The following MRGBP variants were observed in gnomAD, a reference collection of about 807,000 sequenced individuals.
MRGBP encodes MRG domain binding protein, also known as MRG/MORF4L-binding protein.
Under a neutral mutation model 21.5 loss-of-function variants are expected in MRGBP, and 5 were observed. The observed-to-expected ratio is 0.23, with a 90% confidence interval of 0.12 to 0.49. The LOEUF (loss-of-function observed/expected upper bound fraction) is 0.49, where lower values mean the gene tolerates loss of function less well. MRGBP is among the 20% of genes least tolerant of loss of function. MRGBP has a pLI of 0.98. For missense variants in MRGBP, 227 were observed against 277.4 expected (o/e 0.82, Z 1.29); for synonymous variants, 118 against 104.4 (o/e 1.13, Z -0.79).
chr20:62,799,256 C>T (rs905365833), intron 4 of MRGBP, among the ~76,000 whole-genome samples, 200 bp from the exon 5 acceptor site: 3 of 152,170 alleles, frequency 2.0e-5, no homozygotes, highest in Admixed American at 6.5e-5. Context: ...GAGCGGCGGT[C>T]CCTGCAGTGC....
At chr20:62,798,453 G>A (rs963941921) in intron 2 of MRGBP, 134 bp from the exon 3 acceptor site, 14 of 706,144 alleles carry the variant, frequency 2.0e-5, no homozygotes, top group Middle Eastern at 2.5e-4. Context: ...CCCTTGCCCC[G>A]CCCGCCGCAG....
At chr20:62,797,631 C>G (rs1285202308) in intron 2 of MRGBP, among the ~76,000 whole-genome samples, 1 of 152,202 alleles carries the variant, frequency 6.6e-6, no homozygotes. Context: ...TGCAGAGTCC[C>G]GGGCCCTTAG....
chr20:62,797,340 C>G, intron 2 of MRGBP, 109 bp downstream of exon 2: 1 of 1,403,162 alleles, frequency 7.1e-7, no homozygotes, highest in Non-Finnish European at 9.4e-7. Flanking sequence ...CTGCTGGGGT[C>G]TGCTGGGCAG....
At chr20:62,797,922 T>C (rs1360121803) in intron 2 of MRGBP, among the ~76,000 whole-genome samples, 1 of 150,988 alleles carries the variant, frequency 6.6e-6, no homozygotes, top group Non-Finnish European at 1.5e-5. Context: ...GGGGTGGGGG[T>C]CAGGGGTCAG....
chr20:62,798,571 C>G lies in MRGBP; in HGVS notation c.271-16C>G. 1.2e-6 allele frequency: 2 copies of G among 1,608,608 alleles called. No homozygotes were observed. The highest frequency in any genetic ancestry group is 1.1e-5 in the South Asian group (1 of 90,904). ...TCACCCTTGTTTCTTAAACAAAACT[C>G]TCTATTTGATATCAGCATGAGTCTG... On this transcript the variant is annotated splice_polypyrimidine_tract_variant and intron_variant, in intron 2 of 4. Coordinates refer to ENST00000370487, the MANE Select transcript of MRGBP (RefSeq NM_018270.6).
Position 62,799,739 on chromosome 20 carries a change from T to C in MRGBP, c.*96T>C, listed in dbSNP as rs1381361586. 2.2e-6 allele frequency: 3 copies of C among 1,345,144 alleles called. No individual in the cohort carries two copies. Among genetic ancestry groups the C allele is most frequent in the East Asian group, 2.4e-5 (1 of 42,022 alleles). 83.3% of individuals were successfully genotyped at this position (1,345,144 alleles called of 1,614,324 possible). ...AGTGCCACCCCCCAGGCCACAGTGATACCATCCCAGTGCCATGAGCCCACA... is the reference window on the plus strand; with the variant it reads ...AGTGCCACCCCCCAGGCCACAGTGACACCATCCCAGTGCCATGAGCCCACA... On this transcript the variant is annotated 3_prime_UTR_variant, in exon 5 of 5. Transcript: ENST00000370487.
Position 62,799,753 on chromosome 20 carries a change from C to A in MRGBP, c.*110C>A. The A allele has an allele frequency of 1.6e-6, 2 of 1,212,522 alleles. No individual in the cohort carries two copies. The highest frequency in any genetic ancestry group is 2.3e-6 in the Non-Finnish European group (2 of 883,300). The allele number at this position is 1,212,522 out of a possible 1,614,324, so 75.1% of individuals were successfully genotyped here. On this transcript the variant is annotated 3_prime_UTR_variant, in exon 5 of 5. Coordinates refer to ENST00000370487, the MANE Select transcript of MRGBP (RefSeq NM_018270.6). ...GGCCACAGTGATACCATCCCAGTGCCATGAGCCCACACTGCCCGCCCTCAG... is the reference window on the plus strand; with the variant it reads ...GGCCACAGTGATACCATCCCAGTGCAATGAGCCCACACTGCCCGCCCTCAG...
Position 62,798,323 on chromosome 20 carries a change from C to G in MRGBP, c.271-264C>G, listed in dbSNP as rs1157465714. Among the ~76,000 whole-genome samples the G allele has an allele frequency of 2.6e-5, 4 of 152,350 alleles. No individual in the cohort carries two copies. The South Asian group carries it at 6.2e-4, about 24-fold the overall frequency. On this transcript the variant is annotated intron_variant, in intron 2 of 4. Transcript: ENST00000370487. ...GTCCTCAGGGCCCGCCTTAGTGATG[C>G]TGGCCCCGGTGGGTCTTCCTGACTC...
intron 1 of MRGBP, among the ~76,000 whole-genome samples, chr20:62,796,874 C>T: frequency 7.4e-6 from 1 of 135,516 alleles, no homozygotes; most frequent in Non-Finnish European, 1.6e-5. Context: ...GACCCCTACC[C>T]CCGTGAGACC....
chr20:62,797,146 A>C lies in MRGBP; in HGVS notation c.185A>C (p.Asp62Ala). Residue 62 changes from aspartate (D) to alanine (A), a missense_variant, in exon 2 of 5, where the codon GAC becomes GCC. Asp to Ala is a moderately radical substitution (Grantham distance 126). Transcript: ENST00000370487. ...NRHFHMICIR[D>A]KFSQNIGRQV... ...CACTTCCACATGATTTGTATTCGGG[A>C]CAAGTTCAGCCAGAACATCGGGCGG... is the stretch of plus-strand genomic sequence containing the variant. 1 of 1,605,886 alleles carries C rather than the reference A, an allele frequency of 6.2e-7. No homozygotes were observed. The highest frequency in any genetic ancestry group is 1.4e-5 in the African/African-American group (1 of 73,612).
At chr20:62,796,699 GGGGGCGGGGCGGGCAACCGGC>G (rs1990342546) in intron 1 of MRGBP, 28 bp downstream of exon 1, 24 of 1,265,430 alleles carry the variant, frequency 1.9e-5, no homozygotes, top group South Asian at 2.2e-5. Context: ...GGACGCGCGT[GGGGGCGGGGCGGGCAACCGGC>G]GGGGCGGGGC....
chr20:62,796,846 GC>G (rs1301038444), intron 1 of MRGBP, among the ~76,000 whole-genome samples, 175 bp downstream of exon 1: 10 of 28,670 alleles, frequency 3.5e-4, no homozygotes, highest in African/African-American at 1.4e-3. Flanking sequence ...TTCGGACCCC[GC>G]CCCGGACCCC....
At chr20:62,796,760 C>T (rs1990344166) in intron 1 of MRGBP, 89 bp downstream of exon 1, 2 of 1,137,454 alleles carry the variant, frequency 1.8e-6, no homozygotes, top group Non-Finnish European at 2.2e-6. Context: ...CCCTCGCCCC[C>T]ACGCTCCCCG....
intron 4 of MRGBP, among the ~76,000 whole-genome samples, chr20:62,799,250 G>A (rs915208757): frequency 6.6e-5 from 10 of 152,244 alleles, no homozygotes; most frequent in Middle Eastern, 3.4e-3. Flanking sequence ...GGGTCTGAGC[G>A]GCGGTCCCTG....
At position 62,797,241 on chromosome 20, in the gene MRGBP, A is replaced by G. The variant is rs368611698; in HGVS notation, c.270+10A>G. 31 of 1,567,958 alleles carry G rather than the reference A, an allele frequency of 2.0e-5. No individual in the cohort carries two copies. The highest frequency in any genetic ancestry group is 3.4e-4 in the Middle Eastern group (2 of 5,860). ...CGACATGCAGGCGCTGGTGAGCCCA[A>G]CCGCCCTCCCTGTGCCGCCCGATGG... On this transcript the variant is annotated intron_variant, in intron 2 of 4. Transcript: ENST00000370487.
intron 2 of MRGBP, among the ~76,000 whole-genome samples, chr20:62,797,853 C>T (rs1990369484): frequency 6.6e-6 from 1 of 152,140 alleles, no homozygotes. Context: ...GTTCCAGGCC[C>T]TGTGGCAGCA....
chr20:62,799,282 C>T (rs73153341), intron 4 of MRGBP, among the ~76,000 whole-genome samples, 174 bp from the exon 5 acceptor site: 31 of 151,922 alleles, frequency 2.0e-4, no homozygotes, highest in Non-Finnish European at 3.7e-4. Context: ...GCAGGCAGGT[C>T]CTCAGGAGGA....
intron 4 of MRGBP, 42 bp downstream of exon 4, chr20:62,799,091 CA>C (rs754537026): frequency 1.3e-6 from 2 of 1,570,544 alleles, no homozygotes; most frequent in Admixed American, 3.7e-5. Context: ...CTTTGGGGCT[CA>C]GCACCCCAAG....
chr20:62,798,515 A>G, intron 2 of MRGBP, 72 bp from the exon 3 acceptor site: 1 of 1,351,760 alleles, frequency 7.4e-7, no homozygotes, highest in Non-Finnish European at 1.1e-6. Flanking sequence ...TGGCTCTTAC[A>G]CGGCTCTAGT....
Sources: allele counts gnomAD v4.1 joint callset (sites outside exome capture counted in the v4.1 genomes callset), GRCh38; gene constraint gnomAD v4.1.1; transcripts MANE v1.5; gene names NCBI Gene and HGNC (gene_info 2026-07-23, HGNC 2026-07-21).